The following CCDC9B variants were observed in gnomAD, a reference collection of about 807,000 sequenced individuals.
CCDC9B encodes the protein coiled-coil domain containing 9B.
A neutral mutation model predicts 47.2 loss-of-function variants in CCDC9B; 40 were observed. The ratio of observed to expected loss-of-function variants is 0.85; its 90% CI spans 0.66 to 1.10. The LOEUF (loss-of-function observed/expected upper bound fraction) is 1.10, where lower values mean the gene tolerates loss of function less well. Ranked by LOEUF, CCDC9B falls within the 50% of genes least tolerant of loss-of-function variation. The pLI is 0.00. For synonymous variants in CCDC9B, 238 were observed against 250.7 expected, an observed-to-expected ratio of 0.95 and a Z score of 0.48; for missense variants, 662 against 651.0, an observed-to-expected ratio of 1.02 and a Z score of -0.18.
At position 40,332,218 on chromosome 15, in the gene CCDC9B, G is replaced by A. The variant is rs1229002570; in HGVS notation, c.*2940C>T. On this transcript the variant is annotated 3_prime_UTR_variant, in exon 11 of 11. Transcript: ENST00000397536. ...GCTTCCCATGATGCCAAGCTCTGTG[G>A]AGGGGTGTCTTATTGCGCCTCCCTC... The A allele has an allele frequency of 6.6e-6, 1 of 152,218 alleles. No homozygotes were observed. The highest frequency in any genetic ancestry group is 1.5e-5 in the Non-Finnish European group (1 of 68,040). The allele number at this position is 152,218 out of a possible 1,614,324, so 9.4% of individuals were successfully genotyped here.
chr15:40,339,988 T>A lies in CCDC9B; in HGVS notation c.40A>T (p.Ser14Cys). The A allele has an allele frequency of 6.2e-7, 1 of 1,613,628 alleles. No homozygotes were observed. Among genetic ancestry groups the A allele is most frequent in the Non-Finnish European group, 8.5e-7 (1 of 1,179,882 alleles). Residue 14 changes from serine to cysteine, a missense_variant, in exon 2 of 11, where the codon AGC becomes TGC. Ser to Cys is a moderately radical substitution (Grantham distance 112). Coordinates refer to ENST00000397536, the MANE Select transcript of CCDC9B (RefSeq NM_207380.3). The stretch of plus-strand genomic sequence containing the variant: ...AGCTCTGCGTCCTTCTCCTGCCTGC[T>A]CATGGGGGACTCGGCTCTGGGAGTT... ...AGTPRAESPMSRQEKDAELDR... is the reference protein window; with the variant it reads ...AGTPRAESPMCRQEKDAELDR...
Position 40,336,653 on chromosome 15 carries a change from GC to G in CCDC9B, c.807del (p.Gln270LysfsTer21). On this transcript the variant is annotated frameshift_variant, in exon 9 of 11. Coordinates refer to ENST00000397536, the MANE Select transcript of CCDC9B (RefSeq NM_207380.3). LOFTEE classifies it high-confidence loss of function. ...GGTGCCACCGAGGGTCTGCTGGCTT[GC>G]CCGCCCCGACCTGCAAGAGATGGTC... ...PLLPDGKGRG[G>X]QASRPSVAPA... 1 of 1,612,076 alleles carries G rather than the reference GC, an allele frequency of 6.2e-7. No individual in the cohort carries two copies. The highest frequency in any genetic ancestry group is 2.2e-5 in the East Asian group (1 of 44,814).
intron 7 of CCDC9B, 42 bp downstream of exon 7, chr15:40,337,346 A>T: frequency 6.3e-7 from 1 of 1,585,678 alleles, no homozygotes; most frequent in Non-Finnish European, 8.7e-7. Context: ...TGAAAGATGA[A>T]CAAAGCCAAG....
rs1453517352 is a variant in CCDC9B, at chr15:40,336,752, C to T, written c.796+8G>A. 1 of 1,600,402 alleles carries T rather than the reference C, an allele frequency of 6.2e-7. No individual in the cohort carries two copies. The highest frequency in any genetic ancestry group is 8.5e-7 in the Non-Finnish European group (1 of 1,173,318). On this transcript the variant is annotated splice_region_variant and intron_variant, in intron 8 of 10. Transcript: ENST00000397536. ...ACGAGACCTGGCCCCTCCTCCTCCC[C>T]AACTCACCTTTTCCATCAGGGAGCA...
Position 40,340,854 on chromosome 15 carries a change from C to A in CCDC9B, c.-35G>T, listed in dbSNP as rs767525749. 6.2e-7 allele frequency: 1 copy of A among 1,609,592 alleles called. No homozygotes were observed. The highest frequency in any genetic ancestry group is 8.5e-7 in the Non-Finnish European group (1 of 1,178,650). On this transcript the variant is annotated 5_prime_UTR_variant, in exon 1 of 11. Transcript: ENST00000397536. The stretch of plus-strand genomic sequence containing the variant: ...GGGCACCGAGAGAATTCCAGAGCAG[C>A]CCCTGGGGAGCCAGAGTGGGAGGAA...
chr15:40,339,641 G>A (rs1285717350), intron 2 of CCDC9B, 22 bp from the exon 3 acceptor site: 1 of 1,611,476 alleles, frequency 6.2e-7, no homozygotes, highest in African/African-American at 1.3e-5. Flanking sequence ...CTGGGGGTCA[G>A]CACACGCCAT....
chr15:40,339,925 C>A lies in CCDC9B; in HGVS notation c.103G>T (p.Ala35Ser). The A allele has an allele frequency of 3.1e-6, 5 of 1,613,476 alleles. No homozygotes were observed. Among genetic ancestry groups the A allele is most frequent in the Non-Finnish European group, 4.2e-6 (5 of 1,179,528 alleles). Residue 35 changes from alanine (A) to serine (S), a missense_variant, in exon 2 of 11, where the codon GCC becomes TCC. By Grantham distance (99) the Ala-to-Ser change is moderately conservative (BLOSUM62 1). Transcript: ENST00000397536. ...RIVALRKKNQ[A>S]LLRRYQEIQE... The stretch of plus-strand genomic sequence containing the variant: ...CTCACCTGGTACCTGCGGAGCAAGG[C>A]CTGGTTCTTCTTGCGCAGGGCAACT...
Position 40,335,585 on chromosome 15 carries a change from G to T in CCDC9B, c.1046C>A (p.Pro349Gln). 6.7e-7 allele frequency: 1 copy of T among 1,501,336 alleles called. No homozygotes were observed. Among genetic ancestry groups the T allele is most frequent in the East Asian group, 2.4e-5 (1 of 41,864 alleles). 93.0% of individuals were successfully genotyped at this position (1,501,336 alleles called of 1,614,324 possible). The change falls in exon 11 of 11, where the codon CCA becomes CAA. Residue 349 changes from proline (P) to glutamine (Q), a missense_variant. Physicochemically the swap from Pro to Gln is moderately conservative, Grantham distance 76. Transcript: ENST00000397536. ...CACTGACTCCCCCTTCGGCCCCTCT[G>T]GGGATGCCAGGGCTGGGCTGGCTGC... ...APAASPALAS[P>Q]EGPKGESVAS...
At position 40,332,689 on chromosome 15, in the gene CCDC9B, T is replaced by A. The variant is rs1248466785; in HGVS notation, c.*2469A>T. 2 of 152,182 alleles carry A rather than the reference T, an allele frequency of 1.3e-5. No homozygotes were observed. Among genetic ancestry groups the A allele is most frequent in the Non-Finnish European group, 2.9e-5 (2 of 68,038 alleles). The allele number at this position is 152,182 out of a possible 1,614,324, so 9.4% of individuals were successfully genotyped here. ...ACTGGGTTGGGGAGCAGACTGTGAA[T>A]CTTATAATTCAGATTCTTGATCACA... On this transcript the variant is annotated 3_prime_UTR_variant, in exon 11 of 11. Coordinates refer to ENST00000397536, the MANE Select transcript of CCDC9B (RefSeq NM_207380.3).
chr15:40,340,793 C>A lies in CCDC9B; in HGVS notation c.12+15G>T. ...GTCCCAAGAAGCCCCCTGCCAAAGG[C>A]AGACTGCCACTCACAGCCGAGTGCA... On this transcript the variant is annotated intron_variant, in intron 1 of 10. Coordinates refer to ENST00000397536, the MANE Select transcript of CCDC9B (RefSeq NM_207380.3). 1 of 1,603,826 alleles carries A rather than the reference C, an allele frequency of 6.2e-7. No homozygotes were observed.
In CCDC9B at chr15:40,337,902, A is replaced by G. The variant is rs1889000102; in HGVS notation, c.514-9T>C. The G allele has an allele frequency of 1.9e-6, 3 of 1,590,408 alleles. No individual in the cohort carries two copies. The African/African-American group carries it at 4.0e-5, about 21-fold the overall frequency. On this transcript the variant is annotated splice_polypyrimidine_tract_variant and intron_variant, in intron 5 of 10. Transcript: ENST00000397536. ...CAGGGCTCCCAAGAACCCTGTAGGG[A>G]GAAGACACTCAGAGTGAGGGGGAGA...
chr15:40,340,283 C>T, intron 1 of CCDC9B: 2 of 492,284 alleles, frequency 4.1e-6, no homozygotes, highest in East Asian at 6.9e-5. Flanking sequence ...GTGCCCCTCC[C>T]CCAGCTCTCC....
intron 5 of CCDC9B, 124 bp downstream of exon 5, chr15:40,338,411 G>T: frequency 8.9e-7 from 1 of 1,120,510 alleles, no homozygotes; most frequent in South Asian, 1.5e-5. Flanking sequence ...GGAGGAGCAG[G>T]AACTCCTGCA....
chr15:40,332,682 C>T lies in CCDC9B; in HGVS notation c.*2476G>A, dbSNP rs186937155. ...TGGCAGCACTGGGTTGGGGAGCAGA[C>T]TGTGAATCTTATAATTCAGATTCTT... On this transcript the variant is annotated 3_prime_UTR_variant, in exon 11 of 11. Transcript: ENST00000397536. 9.5e-4 allele frequency: 145 copies of T among 152,326 alleles called. 1 individual carries two copies. The highest frequency in any genetic ancestry group is 3.2e-3 in the African/African-American group (132 of 41,570). The allele number at this position is 152,326 out of a possible 1,614,324, so 9.4% of individuals were successfully genotyped here.
rs1256561900 is a variant in CCDC9B at position 40,335,311 on chromosome 15, G to A, written c.1320C>T (p.Leu440=). The change falls in exon 11 of 11, where the codon CTC becomes CTT. Residue 440 remains leucine, a synonymous_variant. Coordinates refer to ENST00000397536, the MANE Select transcript of CCDC9B (RefSeq NM_207380.3). ...CAGACCTGTCTTCTCCGGGCTCTGG[G>A]AGCCCTGCTCCTCTCTGTGGCTCAG... ...TCPEPQRGAG[L]PEPGEDRSGK... 5 of 1,613,448 alleles carry A rather than the reference G, an allele frequency of 3.1e-6. No individual in the cohort carries two copies. Among genetic ancestry groups the A allele is most frequent in the Non-Finnish European group, 4.2e-6 (5 of 1,179,716 alleles).
rs779216732 is a variant in CCDC9B at position 40,340,892 on chromosome 15, C to A, written c.-73G>T. The A allele has an allele frequency of 1.2e-6, 2 of 1,607,938 alleles. No individual in the cohort carries two copies. Among genetic ancestry groups the A allele is most frequent in the Non-Finnish European group, 1.7e-6 (2 of 1,178,090 alleles). ...AGAGTGGGAGGAAAGCTGGAGCCAC[C>A]GGAGCCGGGCCTCTGCCGGCCTCTC... On this transcript the variant is annotated 5_prime_UTR_variant, in exon 1 of 11. Coordinates refer to ENST00000397536, the MANE Select transcript of CCDC9B (RefSeq NM_207380.3).
chr15:40,335,412 A>T lies in CCDC9B; in HGVS notation c.1219T>A (p.Ser407Thr). ...LRPGAQESPV[S>T]WPEGSKQQPL... Reference sequence around the variant, plus strand: ...TGCTGCTTAGAGCCCTCTGGCCAAGACACAGGGCTCTCCTGGGCCCCAGGC... The same window carrying T: ...TGCTGCTTAGAGCCCTCTGGCCAAGTCACAGGGCTCTCCTGGGCCCCAGGC... The change falls in exon 11 of 11, where the codon TCT becomes ACT. Residue 407 changes from serine (S) to threonine (T), a missense_variant. Transcript: ENST00000397536. 1 of 1,612,504 alleles carries T rather than the reference A, an allele frequency of 6.2e-7. No homozygotes were observed. The highest frequency in any genetic ancestry group is 8.5e-7 in the Non-Finnish European group (1 of 1,179,640).
Position 40,335,430 on chromosome 15 carries a change from C to A in CCDC9B, c.1201G>T (p.Ala401Ser), listed in dbSNP as rs754760184. Residue 401 changes from alanine to serine, a missense_variant, in exon 11 of 11, where the codon GCC becomes TCC. Physicochemically the swap from Ala to Ser is moderately conservative, Grantham distance 99. Transcript: ENST00000397536. ...GGCCAAGACACAGGGCTCTCCTGGG[C>A]CCCAGGCCTCAGACCGAGCACACAC... is the stretch of plus-strand genomic sequence containing the variant. ...SGCVLGLRPGAQESPVSWPEG... is the reference protein window; with the variant it reads ...SGCVLGLRPGSQESPVSWPEG... 2 of 1,611,556 alleles carry A rather than the reference C, an allele frequency of 1.2e-6. No homozygotes were observed. The highest frequency in any genetic ancestry group is 1.7e-4 in the Middle Eastern group (1 of 6,044).
In CCDC9B at chr15:40,335,617, G is replaced by C. The variant is rs760422698; in HGVS notation, c.1014C>G (p.Ser338Arg). 2.0e-6 allele frequency: 3 copies of C among 1,499,472 alleles called. No individual in the cohort carries two copies. The African/African-American group carries it at 4.2e-5, about 21-fold the overall frequency. 92.9% of individuals were successfully genotyped at this position (1,499,472 alleles called of 1,614,324 possible). ...QSGMEQGRLG[S>R]APAASPALAS... ...CCAGGGCTGGGCTGGCTGCAGGGGC[G>C]CTCCCCAGTCGGCCCTGCTCCATCC... The change falls in exon 11 of 11, where the codon AGC becomes AGG. Residue 338 changes from serine to arginine, a missense_variant. Coordinates refer to ENST00000397536, the MANE Select transcript of CCDC9B (RefSeq NM_207380.3).
Sources: allele counts gnomAD v4.1 joint callset, GRCh38; gene constraint gnomAD v4.1.1; transcripts MANE v1.5; gene names NCBI Gene and HGNC (gene_info 2026-07-23, HGNC 2026-07-21).